GALNTL6: variants seen among roughly 807,000 people sequenced by gnomAD.
GALNTL6 encodes the protein polypeptide N-acetylgalactosaminyltransferase-like 6.
In GALNTL6, 46 loss-of-function variants were observed where a neutral mutation model predicts 73.7. That is an observed-to-expected ratio of 0.62 (90% confidence interval 0.49 to 0.80). The LOEUF (loss-of-function observed/expected upper bound fraction) is 0.80. GALNTL6 is among the 30% of genes least tolerant of loss of function. GALNTL6 has a pLI of 0.00. For missense variants in GALNTL6, 604 were observed against 755.0 expected, an observed-to-expected ratio of 0.80 and a Z score of 2.34; for synonymous variants, 259 against 263.7, an observed-to-expected ratio of 0.98 and a Z score of 0.17.
At chr4:172,662,883 G>A (rs2111183629) in intron 5 of GALNTL6, among the ~76,000 whole-genome samples, 1 of 152,346 alleles carries the variant, frequency 6.6e-6, no homozygotes, top group East Asian at 1.9e-4. Flanking sequence ...TTTCAAAGGA[G>A]GTGGTCAGGT....
intron 5 of GALNTL6, among the ~76,000 whole-genome samples, chr4:172,732,032 C>T (rs1390058490): frequency 6.6e-6 from 1 of 151,880 alleles, no homozygotes; most frequent in Non-Finnish European, 1.5e-5. Flanking sequence ...GTGAAATGTT[C>T]TGTAAATATC....
intron 7 of GALNTL6, among the ~76,000 whole-genome samples, chr4:172,857,138 C>A (rs1744160614): frequency 6.6e-6 from 1 of 152,230 alleles, no homozygotes; most frequent in Non-Finnish European, 1.5e-5. Context: ...TCATCACTGT[C>A]ACCATGTAAT....
At chr4:172,829,068 G>C (rs181538433) in intron 7 of GALNTL6, among the ~76,000 whole-genome samples, 2 of 152,180 alleles carry the variant, frequency 1.3e-5, no homozygotes, top group Admixed American at 1.3e-4. Context: ...TCGCTCTGGT[G>C]TACTCCCGTG....
rs182132770 is a variant in GALNTL6 at position 172,191,393 on chromosome 4, G to C, written c.139-38263G>C. On this transcript the variant is annotated intron_variant, in intron 2 of 12. Transcript: ENST00000506823. ...TCTACAACTGCCCTCCCTGGAAACT[G>C]TTCTGCAAATGGTAGCCATAGGGAT... 1.1e-4 allele frequency among the ~76,000 whole-genome samples: 17 copies of C among 152,288 alleles called. No homozygotes were observed. The East Asian group carries it at 3.3e-3, about 29-fold the overall frequency.
chr4:172,773,187 T>C (rs1738877135), intron 5 of GALNTL6, among the ~76,000 whole-genome samples: 1 of 152,120 alleles, frequency 6.6e-6, no homozygotes. Context: ...CCTGACTCCA[T>C]GGAAAATTAT....
At chr4:172,500,527 C>G (rs1450144569) in intron 5 of GALNTL6, among the ~76,000 whole-genome samples, 23 of 152,098 alleles carry the variant, frequency 1.5e-4, no homozygotes, top group Admixed American at 1.5e-3. Flanking sequence ...AGTCTCTCAC[C>G]TGAAACTATG....
At chr4:172,896,271 G>A (rs986194979) in intron 8 of GALNTL6, among the ~76,000 whole-genome samples, 7 of 152,068 alleles carry the variant, frequency 4.6e-5, no homozygotes, top group Non-Finnish European at 8.8e-5. Context: ...ATTTTCCAAG[G>A]GCTTTTCAGA....
chr4:171,916,719 G>A (rs1024831390), intron 2 of GALNTL6, among the ~76,000 whole-genome samples: 5 of 151,888 alleles, frequency 3.3e-5, no homozygotes, highest in African/African-American at 4.8e-5. Flanking sequence ...CATTACTTTA[G>A]GGGAAAAAGT....
chr4:172,155,992 C>G (rs1005370237), intron 2 of GALNTL6, among the ~76,000 whole-genome samples: 2 of 152,052 alleles, frequency 1.3e-5, no homozygotes, highest in Non-Finnish European at 2.9e-5. Flanking sequence ...TTTTGCAAGG[C>G]TCTTGTATCG....
At position 172,069,536 on chromosome 4, in the gene GALNTL6, T is replaced by TGTGTTA. The variant is rs1553989761; in HGVS notation, c.139-160120_139-160119insGTGTTA. 1.6e-4 allele frequency among the ~76,000 whole-genome samples: 3 copies of TGTGTTA among 18,934 alleles called. 1 individual carries two copies. The highest frequency in any genetic ancestry group is 4.7e-3 in the South Asian group (1 of 212). The allele number at this position is 18,934 out of a possible 152,430, so 12.4% of individuals were successfully genotyped here. A position where few individuals can be genotyped will look rare whatever the true frequency, so the allele number is the denominator to read the frequency against. On this transcript the variant is annotated intron_variant, in intron 2 of 12. Transcript: ENST00000506823. ...ATATGTTATATGTATAACACATATA[T>TGTGTTA]TATATATAACACATATATGTTATAT...
At chr4:172,555,264 G>T (rs183935390) in intron 5 of GALNTL6, among the ~76,000 whole-genome samples, 1 of 152,198 alleles carries the variant, frequency 6.6e-6, no homozygotes, top group East Asian at 1.9e-4. Context: ...TCTACCTGTA[G>T]AAGTATAAGA....
intron 4 of GALNTL6, among the ~76,000 whole-genome samples, chr4:172,335,634 G>A (rs1255765569): frequency 6.6e-6 from 1 of 152,070 alleles, no homozygotes; most frequent in East Asian, 1.9e-4. Flanking sequence ...CTTGATATTG[G>A]TCCTTTCAGG....
At chr4:172,963,226 T>C (rs533064355) in intron 10 of GALNTL6, among the ~76,000 whole-genome samples, 1 of 152,252 alleles carries the variant, frequency 6.6e-6, no homozygotes, top group Admixed American at 6.5e-5. Context: ...AGAAATCATA[T>C]GGCTCCCGCC....
intron 5 of GALNTL6, among the ~76,000 whole-genome samples, chr4:172,689,874 C>A (rs537104195): frequency 6.6e-6 from 1 of 152,072 alleles, no homozygotes; most frequent in Non-Finnish European, 1.5e-5. Flanking sequence ...TGTAACCAGA[C>A]AACATGTCTT....
chr4:172,835,150 G>A (rs1579544968), intron 7 of GALNTL6, among the ~76,000 whole-genome samples: 1 of 152,362 alleles, frequency 6.6e-6, no homozygotes, highest in South Asian at 2.1e-4. Flanking sequence ...GGTCAATAAA[G>A]TGATGAAGCT....
chr4:172,205,820 A>G (rs2110912154), intron 2 of GALNTL6, among the ~76,000 whole-genome samples: 1 of 152,342 alleles, frequency 6.6e-6, no homozygotes, highest in South Asian at 2.1e-4. Context: ...CTTTACTTGG[A>G]AATCTTTGTT....
intron 5 of GALNTL6, among the ~76,000 whole-genome samples, chr4:172,416,988 G>A (rs552497705): frequency 6.6e-6 from 1 of 152,184 alleles, no homozygotes; most frequent in East Asian, 1.9e-4. Context: ...ATAATTGTTT[G>A]CAGTCACTGA....
At chr4:171,888,429 G>T (rs896948044) in intron 2 of GALNTL6, among the ~76,000 whole-genome samples, 2 of 150,894 alleles carry the variant, frequency 1.3e-5, no homozygotes, top group African/African-American at 4.9e-5. Flanking sequence ...ACGTAAAATG[G>T]TTGTAGCAGT....
intron 11 of GALNTL6, among the ~76,000 whole-genome samples, chr4:173,012,194 C>T (rs966601799): frequency 3.9e-5 from 6 of 152,182 alleles, no homozygotes; most frequent in African/African-American, 1.4e-4. Flanking sequence ...AGCAAGCAAG[C>T]AGTTCCCAGT....
Sources: gnomAD v4.1 joint callset for allele counts (sites outside exome capture counted in the v4.1 genomes callset) on GRCh38, gnomAD v4.1.1 for gene constraint, MANE v1.5 for transcripts, NCBI Gene and HGNC (gene_info 2026-07-23, HGNC 2026-07-21) for gene names.